Variants in DST observed in about 807,000 individuals in gnomAD.
The protein encoded by DST is dystonin.
A neutral mutation model predicts 875.2 loss-of-function variants in DST; 253 were observed. That is an observed-to-expected ratio of 0.29 (90% CI 0.26 to 0.32). The LOEUF is 0.32. Ranked by LOEUF, DST falls within the 10% of genes least tolerant of loss-of-function variation. The probability of loss-of-function intolerance (pLI) is 1.00; values close to 1 mark genes in which losing one functional copy is unlikely to be tolerated. For missense variants in DST, 8,287 were observed against 9,111.6 expected (o/e 0.91, Z 3.68); for synonymous variants, 3,124 against 3,197.1 (o/e 0.98, Z 0.77).
intron 38 of DST, among the ~76,000 whole-genome samples, chr6:56,611,297 T>C (rs1469700641): frequency 1.3e-5 from 2 of 152,156 alleles, no homozygotes; most frequent in Non-Finnish European, 2.9e-5. Context: ...CGGTAATACA[T>C]GGGGATAATA....
At chr6:56,566,837 A>G (rs1343619094) in intron 55 of DST, among the ~76,000 whole-genome samples, 2 of 152,240 alleles carry the variant, frequency 1.3e-5, no homozygotes, top group African/African-American at 2.4e-5. Context: ...TAATGGAGGC[A>G]GAATAATTTT....
chr6:56,730,585 A>G (rs1346015153), intron 5 of DST, among the ~76,000 whole-genome samples: 1 of 152,218 alleles, frequency 6.6e-6, no homozygotes, highest in Non-Finnish European at 1.5e-5. Context: ...AATGTCATCA[A>G]TTTTATATTT....
chr6:56,813,355 G>C (rs1463028056), intron 4 of DST, among the ~76,000 whole-genome samples: 1 of 150,476 alleles, frequency 6.6e-6, no homozygotes, highest in East Asian at 2.0e-4. Context: ...TGCACATTGT[G>C]CACATGTACC....
At chr6:56,762,248 C>T (rs1455203330) in intron 4 of DST, among the ~76,000 whole-genome samples, 1 of 152,156 alleles carries the variant, frequency 6.6e-6, no homozygotes, top group African/African-American at 2.4e-5. Flanking sequence ...TCTCGAACTC[C>T]GGACCTCAGG....
intron 2 of DST, among the ~76,000 whole-genome samples, chr6:56,906,208 G>A (rs1796359376): frequency 6.6e-6 from 1 of 152,230 alleles, no homozygotes; most frequent in East Asian, 1.9e-4. Flanking sequence ...AGTGTACAAG[G>A]GTTCCAATTT....
intron 5 of DST, among the ~76,000 whole-genome samples, chr6:56,725,028 C>A (rs2099444189): frequency 6.6e-6 from 1 of 152,140 alleles, no homozygotes; most frequent in Non-Finnish European, 1.5e-5. Flanking sequence ...TAAATTATTT[C>A]ATGGAATATA....
Position 56,881,140 on chromosome 6 carries a change from C to T in DST, c.417+19281G>A, listed in dbSNP as rs193182971. ...CTGGGATTACAGGCATGAGCCACCA[C>T]GCCCAGCATAAAATACCATCTTTCT... On this transcript the variant is annotated intron_variant, in intron 3 of 103. Transcript: ENST00000680361. Among the ~76,000 whole-genome samples, 65 of 152,188 alleles carry T rather than the reference C, an allele frequency of 4.3e-4. No homozygotes were observed. The Middle Eastern group carries it at 0.01, about 24-fold the overall frequency.
At position 56,471,092 on chromosome 6, in the gene DST, G is replaced by A; in HGVS notation, c.22321+14C>T. 1 of 1,608,816 alleles carries A rather than the reference G, an allele frequency of 6.2e-7. No homozygotes were observed. Among genetic ancestry groups the A allele is most frequent in the South Asian group, 1.1e-5 (1 of 90,008 alleles). On this transcript the variant is annotated intron_variant, in intron 95 of 103. Transcript: ENST00000680361. ...AAAATTGTATCAGTCATAGTCATCT[G>A]TCTTGGAACTTACTTGAGGAAAGAA...
intron 50 of DST, among the ~76,000 whole-genome samples, chr6:56,576,701 G>C (rs965049663): frequency 6.6e-6 from 1 of 152,048 alleles, no homozygotes; most frequent in Non-Finnish European, 1.5e-5. Context: ...GGTCATGAGG[G>C]TAGAGCCCGT....
In DST at chr6:56,608,305, G is replaced by A; in HGVS notation, c.6323C>T (p.Ala2108Val). Residue 2108 changes from alanine (A) to valine (V), a missense_variant, in exon 40 of 104, where the codon GCT becomes GTT. Around this residue, in one of 10 missense-constraint regions of DST, gnomAD observed 3,138 missense variants for 3,116.6 expected, o/e 1.01. Coordinates refer to ENST00000680361, the MANE Select transcript of DST (RefSeq NM_001374736.1). The stretch of plus-strand genomic sequence containing the variant: ...AGAACTTTCTGGAATATAAAGAGCA[G>A]CTATTTTTTGTCTGCCATTCAGGAT... The part of the protein sequence containing the change: ...YKILNGRQKI[A>V]ALYIPESSQV... 1 of 1,613,302 alleles carries A rather than the reference G, an allele frequency of 6.2e-7. No homozygotes were observed. Among genetic ancestry groups the A allele is most frequent in the Non-Finnish European group, 8.5e-7 (1 of 1,179,794 alleles).
At chr6:56,953,933 G>T in intron 1 of DST, 114 bp from the exon 2 acceptor site, 1 of 600,772 alleles carries the variant, frequency 1.7e-6, no homozygotes, top group Non-Finnish European at 2.7e-6. Context: ...CAGACTCCTG[G>T]AATTCGGTGG....
chr6:56,912,215 G>A (rs2127719366), intron 2 of DST, among the ~76,000 whole-genome samples: 1 of 152,258 alleles, frequency 6.6e-6, no homozygotes, highest in East Asian at 1.9e-4. Context: ...CACAGTCTCT[G>A]GCCCTTTGGA....
chr6:56,660,687 C>A (rs1192279742), intron 10 of DST, among the ~76,000 whole-genome samples: 3 of 148,650 alleles, frequency 2.0e-5, no homozygotes, highest in Non-Finnish European at 4.4e-5. Flanking sequence ...CATATTTGGG[C>A]ACAGATTAGC....
intron 75 of DST, among the ~76,000 whole-genome samples, chr6:56,507,560 T>A (rs989322283): frequency 6.6e-6 from 1 of 152,208 alleles, no homozygotes; most frequent in East Asian, 1.9e-4. Flanking sequence ...ATGGGGGTAA[T>A]GATCCAACTG....
At chr6:56,674,493 C>T (rs572973527) in intron 9 of DST, among the ~76,000 whole-genome samples, 1 of 152,212 alleles carries the variant, frequency 6.6e-6, no homozygotes, top group Admixed American at 6.5e-5. Context: ...GACAGGGTTT[C>T]ACCATGTTGG....
chr6:56,869,075 C>G (rs1039619423), intron 3 of DST, among the ~76,000 whole-genome samples: 1 of 152,164 alleles, frequency 6.6e-6, no homozygotes, highest in African/African-American at 2.4e-5. Context: ...TAATGATGTA[C>G]AGATTTTTTA....
Position 56,610,412 on chromosome 6 carries a change from A to C in DST, c.5283+15T>G. The C allele has an allele frequency of 6.5e-7, 1 of 1,528,054 alleles. No individual in the cohort carries two copies. Among genetic ancestry groups the C allele is most frequent in the Non-Finnish European group, 8.8e-7 (1 of 1,138,150 alleles). The allele number at this position is 1,528,054 out of a possible 1,614,324, so 94.7% of individuals were successfully genotyped here. On this transcript the variant is annotated intron_variant, in intron 39 of 103. Transcript: ENST00000680361. Reference sequence around the variant, plus strand: ...GCTTCTTGAAACAGCCTCATGTTTAAATAAATAATATTACCTTCTCCTCTA... The same window carrying C: ...GCTTCTTGAAACAGCCTCATGTTTACATAAATAATATTACCTTCTCCTCTA...
intron 4 of DST, among the ~76,000 whole-genome samples, chr6:56,739,411 G>A (rs879420006): frequency 2.3e-4 from 35 of 152,252 alleles, no homozygotes; most frequent in Non-Finnish European, 1.6e-4. Flanking sequence ...GATAAGTGCA[G>A]ATTCTGTACT....
intron 4 of DST, among the ~76,000 whole-genome samples, chr6:56,815,053 G>A (rs1459989989): frequency 1.3e-5 from 2 of 152,174 alleles, no homozygotes; most frequent in East Asian, 1.9e-4. Context: ...CGGTGTGGCC[G>A]TGGGCAAGTC....
Sources: allele counts gnomAD v4.1 joint callset (sites outside exome capture counted in the v4.1 genomes callset), GRCh38; gene constraint gnomAD v4.1.1; regional missense constraint gnomAD v4.1.1; transcripts MANE v1.5; gene names NCBI Gene and HGNC (gene_info 2026-07-23, HGNC 2026-07-21).